The following VOPP1 variants were observed in gnomAD, a reference collection of about 807,000 sequenced individuals.
VOPP1 encodes VOPP1 WW domain binding protein, also known as WW domain binding protein VOPP1.
VOPP1 carries 8 observed loss-of-function variants against 23.5 expected under a neutral mutation model. The ratio of observed to expected loss-of-function variants is 0.34; its 90% CI spans 0.20 to 0.61. VOPP1 has a LOEUF of 0.61. Among genes scored for constraint, VOPP1 ranks in the 20% least tolerant of loss-of-function variants. The pLI is 0.78. For synonymous variants in VOPP1, 83 were observed against 97.3 expected (o/e 0.85, Z 0.86); for missense variants, 174 against 238.1 (o/e 0.73, Z 1.77).
chr7:55,459,329 G>T (rs955960538), intron 4 of VOPP1, among the ~76,000 whole-genome samples: 1 of 152,134 alleles, frequency 6.6e-6, no homozygotes, highest in African/African-American at 2.4e-5. Flanking sequence ...TTGGCCTGTA[G>T]CTTTCTTTTT....
chr7:55,475,547 G>A (rs1434613101), intron 4 of VOPP1, among the ~76,000 whole-genome samples: 1 of 152,186 alleles, frequency 6.6e-6, no homozygotes, highest in Non-Finnish European at 1.5e-5. Flanking sequence ...GACAAGGAGC[G>A]ACAGGCCCAC....
chr7:55,453,303 A>C (rs1283999954), intron 4 of VOPP1, among the ~76,000 whole-genome samples: 2 of 152,132 alleles, frequency 1.3e-5, no homozygotes. Context: ...AGCGCTTTTA[A>C]TTTCCTTCAA....
intron 1 of VOPP1, among the ~76,000 whole-genome samples, chr7:55,542,793 G>GAA (rs202064738): frequency 7.2e-6 from 1 of 139,706 alleles, no homozygotes; most frequent in African/African-American, 2.7e-5. Flanking sequence ...CCATCTCCAA[G>GAA]AAAAAAAAAA....
At chr7:55,537,620 C>A (rs775112239) in intron 1 of VOPP1, 1 of 1,533,580 alleles carries the variant, frequency 6.5e-7, no homozygotes, top group African/African-American at 1.4e-5. Flanking sequence ...CCCTCCAATA[C>A]GGAGCACACA....
intron 1 of VOPP1, among the ~76,000 whole-genome samples, chr7:55,538,830 AAAG>A (rs1796965094): frequency 6.6e-6 from 1 of 152,064 alleles, no homozygotes; most frequent in East Asian, 1.9e-4. Context: ...AAAAAAAAAA[AAAG>A]GAGAAACAAG....
intron 1 of VOPP1, among the ~76,000 whole-genome samples, chr7:55,537,899 T>C (rs577632735): frequency 6.6e-6 from 1 of 152,298 alleles, no homozygotes; most frequent in East Asian, 1.9e-4. Context: ...AAGTGCCAAG[T>C]GGCCCCACCA....
chr7:55,474,397 G>A (rs1412852403), intron 4 of VOPP1, among the ~76,000 whole-genome samples: 1 of 152,214 alleles, frequency 6.6e-6, no homozygotes, highest in Non-Finnish European at 1.5e-5. Context: ...AGAGGGCATT[G>A]CAACAGTCTA....
At chr7:55,451,472 C>T (rs989635097) in intron 4 of VOPP1, among the ~76,000 whole-genome samples, 2 of 152,154 alleles carry the variant, frequency 1.3e-5, no homozygotes, top group African/African-American at 4.8e-5. Flanking sequence ...GTCTAAAAGC[C>T]ACAATGTACA....
chr7:55,560,217 C>A (rs907934191), intron 1 of VOPP1, among the ~76,000 whole-genome samples: 2 of 152,164 alleles, frequency 1.3e-5, no homozygotes, highest in African/African-American at 4.8e-5. Context: ...CCATTTTAAG[C>A]AACATTTTTT....
chr7:55,529,803 C>G (rs113636552), intron 1 of VOPP1, among the ~76,000 whole-genome samples: 1 of 152,150 alleles, frequency 6.6e-6, no homozygotes, highest in African/African-American at 2.4e-5. Flanking sequence ...ATAGTCTTGC[C>G]TTTGCTATAA....
In VOPP1 at chr7:55,563,207, A is replaced by G. The variant is rs573632679; in HGVS notation, c.54+9064T>C. 4.6e-5 allele frequency among the ~76,000 whole-genome samples: 7 copies of G among 152,354 alleles called. 1 individual carries two copies. The highest frequency in any genetic ancestry group is 1.7e-4 in the African/African-American group (7 of 41,586). On this transcript the variant is annotated intron_variant, in intron 1 of 4. Coordinates refer to ENST00000285279, the MANE Select transcript of VOPP1 (RefSeq NM_030796.5). The stretch of plus-strand genomic sequence containing the variant: ...TTCGATACAGATTTTGTTACAAAAA[A>G]CGACAGATCAAAACTAGACTTTCAA...
Position 55,572,372 on chromosome 7 carries a change from C to T in VOPP1, c.-48G>A, listed in dbSNP as rs777257145. 1.0e-4 allele frequency: 127 copies of T among 1,261,814 alleles called. No homozygotes were observed. The highest frequency in any genetic ancestry group is 1.2e-4 in the Non-Finnish European group (120 of 998,164). 78.2% of individuals were successfully genotyped at this position (1,261,814 alleles called of 1,614,324 possible). A position where few individuals can be genotyped will look rare whatever the true frequency, so the allele number is the denominator to read the frequency against. On this transcript the variant is annotated 5_prime_UTR_variant, in exon 1 of 5. Coordinates refer to ENST00000285279, the MANE Select transcript of VOPP1 (RefSeq NM_030796.5). ...GCGCCCGGACGCCGGGTCGCAGGCGCGCTTCGCGACTCGGCCCCCGCGCGG... is the reference window on the plus strand; with the variant it reads ...GCGCCCGGACGCCGGGTCGCAGGCGTGCTTCGCGACTCGGCCCCCGCGCGG...
At chr7:55,489,102 C>T (rs13225830) in intron 4 of VOPP1, among the ~76,000 whole-genome samples, 2 of 152,226 alleles carry the variant, frequency 1.3e-5, no homozygotes, top group Non-Finnish European at 2.9e-5. Context: ...AGACCCCATT[C>T]TTTTGTTCAC....
intron 4 of VOPP1, among the ~76,000 whole-genome samples, chr7:55,483,517 C>T (rs1792897071): frequency 6.6e-6 from 1 of 152,160 alleles, no homozygotes; most frequent in Admixed American, 6.5e-5. Flanking sequence ...CTCACCATCC[C>T]AATGCCCCAC....
At chr7:55,561,760 AAAAC>A (rs1216996108) in intron 1 of VOPP1, 2 of 484,656 alleles carry the variant, frequency 4.1e-6, no homozygotes, top group Non-Finnish European at 7.4e-6. Flanking sequence ...AAAAAAAAAA[AAAAC>A]AAACAAGCAA....
chr7:55,561,834 G>C, intron 1 of VOPP1: 2 of 614,680 alleles, frequency 3.3e-6, no homozygotes, highest in East Asian at 5.9e-5. Context: ...GCTTGCCCAA[G>C]TCGGGGACTT....
chr7:55,446,292 C>A (rs896828072), intron 4 of VOPP1, among the ~76,000 whole-genome samples: 1 of 152,046 alleles, frequency 6.6e-6, no homozygotes, highest in Non-Finnish European at 1.5e-5. Flanking sequence ...CGCGCCCGGC[C>A]GAGGTGATAC....
At chr7:55,519,477 A>C (rs1005969844) in intron 2 of VOPP1, among the ~76,000 whole-genome samples, 6 of 152,200 alleles carry the variant, frequency 3.9e-5, no homozygotes, top group African/African-American at 9.7e-5. Flanking sequence ...ACACAGGAGG[A>C]GGCGAAAGGT....
chr7:55,569,715 G>A (rs1798285176), intron 1 of VOPP1, among the ~76,000 whole-genome samples: 1 of 152,222 alleles, frequency 6.6e-6, no homozygotes, highest in African/African-American at 2.4e-5. Context: ...TAAATATGCA[G>A]TTCTATGTCT....
Sources: allele counts gnomAD v4.1 joint callset (sites outside exome capture counted in the v4.1 genomes callset), GRCh38; gene constraint gnomAD v4.1.1; transcripts MANE v1.5; gene names NCBI Gene and HGNC (gene_info 2026-07-23, HGNC 2026-07-21).